CNTNAP2: variants seen among roughly 807,000 people sequenced by gnomAD.
The protein encoded by CNTNAP2 is contactin-associated protein-like 2.
Under a neutral mutation model 155.2 loss-of-function variants are expected in CNTNAP2, and 98 were observed. That is an observed-to-expected ratio of 0.63 (90% CI 0.54 to 0.75). The LOEUF is 0.75. CNTNAP2 is among the 30% of genes least tolerant of loss of function. The pLI is 0.00. For synonymous variants in CNTNAP2, 651 were observed against 631.2 expected, an observed-to-expected ratio of 1.03 and a Z score of -0.47; for missense variants, 1,727 against 1,688.1, an observed-to-expected ratio of 1.02 and a Z score of -0.40.
intron 16 of CNTNAP2, among the ~76,000 whole-genome samples, chr7:148,145,189 C>T (rs1303779260): frequency 6.6e-6 from 1 of 152,138 alleles, no homozygotes; most frequent in Non-Finnish European, 1.5e-5. Flanking sequence ...GAAAGTTGCT[C>T]GTGGGGTCCT....
chr7:147,825,777 G>C (rs1272143413), intron 13 of CNTNAP2, among the ~76,000 whole-genome samples: 1 of 152,142 alleles, frequency 6.6e-6, no homozygotes. Context: ...AAAGAGTGGA[G>C]AGAGAGAAGT....
In CNTNAP2 at chr7:147,024,001, A is replaced by C. The variant is rs564707639; in HGVS notation, c.403-19906A>C. On this transcript the variant is annotated intron_variant, in intron 3 of 23. Transcript: ENST00000361727. The stretch of plus-strand genomic sequence containing the variant: ...TTCCAGTTTAAACTCAGCTGGGAAC[A>C]CCTTGTCTCATTCAGAACTTAATCA... Among the ~76,000 whole-genome samples, 81 of 152,298 alleles carry C rather than the reference A, an allele frequency of 5.3e-4. 1 individual carries two copies. The highest frequency in any genetic ancestry group is 1.8e-3 in the African/African-American group (75 of 41,572).
intron 9 of CNTNAP2, among the ~76,000 whole-genome samples, chr7:147,381,804 A>G (rs924463699): frequency 1.3e-5 from 2 of 152,062 alleles, no homozygotes; most frequent in African/African-American, 4.8e-5. Context: ...ATGTTAAACC[A>G]ACTTTAGTAT....
intron 20 of CNTNAP2, among the ~76,000 whole-genome samples, chr7:148,266,111 C>T (rs891429979): frequency 1.3e-5 from 2 of 152,192 alleles, no homozygotes; most frequent in African/African-American, 4.8e-5. Flanking sequence ...TGACGTGGCC[C>T]CCATGGGAAT....
intron 1 of CNTNAP2, among the ~76,000 whole-genome samples, chr7:146,358,887 G>A (rs1470729067): frequency 6.6e-6 from 1 of 152,174 alleles, no homozygotes; most frequent in East Asian, 1.9e-4. Flanking sequence ...AGGAGGTCTT[G>A]GATTCTGTTT....
chr7:148,066,571 C>A (rs1320354149), intron 15 of CNTNAP2, among the ~76,000 whole-genome samples: 1 of 152,006 alleles, frequency 6.6e-6, no homozygotes, highest in Non-Finnish European at 1.5e-5. Flanking sequence ...TATCTCGGCT[C>A]ACTGCAAGCT....
chr7:147,867,179 A>T (rs991770819), intron 13 of CNTNAP2, among the ~76,000 whole-genome samples: 2 of 152,092 alleles, frequency 1.3e-5, no homozygotes, highest in African/African-American at 4.8e-5. Context: ...GCTTGTGTGT[A>T]AAGGATTTTA....
intron 1 of CNTNAP2, among the ~76,000 whole-genome samples, chr7:146,344,566 G>C (rs1794791495): frequency 2.4e-5 from 2 of 82,994 alleles, no homozygotes; most frequent in South Asian, 5.6e-4. Context: ...TTCAACCTCT[G>C]CCCCCAAGTT....
At chr7:147,046,266 C>G (rs1174509014) in intron 4 of CNTNAP2, among the ~76,000 whole-genome samples, 1 of 152,098 alleles carries the variant, frequency 6.6e-6, no homozygotes, top group Non-Finnish European at 1.5e-5. Flanking sequence ...TAGGCCTTCT[C>G]CCAGTTACTG....
At chr7:147,015,996 C>G (rs900156298) in intron 3 of CNTNAP2, among the ~76,000 whole-genome samples, 7 of 152,080 alleles carry the variant, frequency 4.6e-5, no homozygotes, top group Non-Finnish European at 7.4e-5. Context: ...GTGGCAAAAT[C>G]TCTGCTTTAA....
At chr7:147,317,774 A>ATGTGTG (rs1338098691) in intron 9 of CNTNAP2, among the ~76,000 whole-genome samples, 8 of 102,464 alleles carry the variant, frequency 7.8e-5, no homozygotes, top group African/African-American at 3.2e-4. Flanking sequence ...ATATATATAT[A>ATGTGTG]TATGTGTGTG....
chr7:146,469,377 C>G (rs1215515762), intron 1 of CNTNAP2, among the ~76,000 whole-genome samples: 1 of 149,088 alleles, frequency 6.7e-6, no homozygotes, highest in East Asian at 2.0e-4. Flanking sequence ...ATGTTGGAAG[C>G]ATTAAAAAAA....
chr7:148,125,418 C>T (rs757604958), intron 16 of CNTNAP2, among the ~76,000 whole-genome samples: 4 of 152,136 alleles, frequency 2.6e-5, no homozygotes, highest in Non-Finnish European at 5.9e-5. Flanking sequence ...CTCCCGCCCT[C>T]CACGCTTAGT....
chr7:147,126,631 G>A (rs1801244596), intron 6 of CNTNAP2, among the ~76,000 whole-genome samples: 1 of 151,974 alleles, frequency 6.6e-6, no homozygotes, highest in South Asian at 2.1e-4. Context: ...GCACCACCAC[G>A]CCCAGCTAAT....
chr7:146,512,495 T>C (rs1456711837), intron 1 of CNTNAP2, among the ~76,000 whole-genome samples: 1 of 151,556 alleles, frequency 6.6e-6, no homozygotes, highest in African/African-American at 2.4e-5. Flanking sequence ...TTTTACATTT[T>C]CTCTTGTTTC....
intron 12 of CNTNAP2, among the ~76,000 whole-genome samples, chr7:147,630,738 T>C (rs903465360): frequency 2.0e-5 from 3 of 152,112 alleles, no homozygotes; most frequent in African/African-American, 7.2e-5. Flanking sequence ...AGCATCCCAA[T>C]AGATGCAGAA....
intron 3 of CNTNAP2, among the ~76,000 whole-genome samples, chr7:146,998,823 A>G (rs1238218681): frequency 6.6e-6 from 1 of 151,972 alleles, no homozygotes; most frequent in East Asian, 1.9e-4. Flanking sequence ...TTTATCTGAT[A>G]TAACTATACC....
chr7:146,344,228 G>A (rs867859713), intron 1 of CNTNAP2, among the ~76,000 whole-genome samples: 3 of 152,074 alleles, frequency 2.0e-5, no homozygotes, highest in African/African-American at 7.2e-5. Flanking sequence ...ACCAAACAGT[G>A]AGCTCTAAAC....
chr7:146,562,311 C>A (rs1798292119), intron 1 of CNTNAP2, among the ~76,000 whole-genome samples: 1 of 151,810 alleles, frequency 6.6e-6, no homozygotes, highest in African/African-American at 2.4e-5. Context: ...AAAAAAATTT[C>A]TCATTTTATT....
Sources: allele counts gnomAD v4.1 joint callset (sites outside exome capture counted in the v4.1 genomes callset), GRCh38; gene constraint gnomAD v4.1.1; transcripts MANE v1.5; gene names NCBI Gene and HGNC (gene_info 2026-07-23, HGNC 2026-07-21).